UNC5C: variants seen among roughly 807,000 people sequenced by gnomAD.
UNC5C encodes unc-5 netrin receptor C.
In UNC5C, 47 loss-of-function variants were observed where a neutral mutation model predicts 99.8. That is an observed-to-expected ratio of 0.47 (90% CI 0.37 to 0.60). The LOEUF (loss-of-function observed/expected upper bound fraction) is 0.60. Ranked by LOEUF, UNC5C falls within the 20% of genes least tolerant of loss-of-function variation. UNC5C has a pLI of 0.00. For missense variants in UNC5C, 1,062 were observed against 1,165.9 expected (o/e 0.91, Z 1.30); for synonymous variants, 487 against 452.2 (o/e 1.08, Z -0.98).
intron 1 of UNC5C, among the ~76,000 whole-genome samples, chr4:95,546,653 T>A (rs924973463): frequency 1.3e-5 from 2 of 152,214 alleles, no homozygotes; most frequent in Admixed American, 6.5e-5. Context: ...CCACTTAAGA[T>A]GAGAATCAGT....
intron 4 of UNC5C, among the ~76,000 whole-genome samples, chr4:95,259,166 A>G (rs1274695377): frequency 6.6e-6 from 1 of 152,054 alleles, no homozygotes; most frequent in Non-Finnish European, 1.5e-5. Flanking sequence ...GCTAATGTTT[A>G]TGTCTCCCGT....
intron 1 of UNC5C, among the ~76,000 whole-genome samples, chr4:95,402,269 C>T (rs1380168454): frequency 6.6e-6 from 1 of 152,144 alleles, no homozygotes; most frequent in African/African-American, 2.4e-5. Context: ...CCCTATTTAT[C>T]ATATTCATCA....
At chr4:95,367,380 T>C (rs544436195) in intron 1 of UNC5C, among the ~76,000 whole-genome samples, 3 of 152,110 alleles carry the variant, frequency 2.0e-5, no homozygotes, top group East Asian at 1.9e-4. Flanking sequence ...GGTTTCGCCA[T>C]GTTGCCCAGG....
At chr4:95,393,862 TTA>T (rs1491140517) in intron 1 of UNC5C, among the ~76,000 whole-genome samples, 4 of 146,418 alleles carry the variant, frequency 2.7e-5, no homozygotes, top group African/African-American at 1.1e-4. Context: ...TTTTTTTTTT[TTA>T]AAAAAAAACA....
intron 1 of UNC5C, among the ~76,000 whole-genome samples, chr4:95,447,995 GCAAA>G (rs1363068776): frequency 1.3e-5 from 2 of 152,066 alleles, no homozygotes; most frequent in Non-Finnish European, 2.9e-5. Context: ...CATCAGTAGA[GCAAA>G]CAATCTCTTT....
chr4:95,250,756 T>A (rs1409869325), intron 4 of UNC5C, 89 bp from the exon 5 acceptor site: 10 of 1,331,294 alleles, frequency 7.5e-6, no homozygotes, highest in Non-Finnish European at 1.0e-5. Context: ...CACTTGATCT[T>A]AGCCAAAAGG....
intron 1 of UNC5C, among the ~76,000 whole-genome samples, chr4:95,379,560 G>A (rs1406615073): frequency 6.6e-6 from 1 of 152,136 alleles, no homozygotes; most frequent in Non-Finnish European, 1.5e-5. Flanking sequence ...AAAAATCACA[G>A]TACACATGTG....
At chr4:95,171,408 A>G (rs1273491976) in intron 14 of UNC5C, among the ~76,000 whole-genome samples, 2 of 125,722 alleles carry the variant, frequency 1.6e-5, no homozygotes, top group African/African-American at 3.0e-5. Flanking sequence ...ACCCCACAAC[A>G]GTCCCCAGAG....
In UNC5C at chr4:95,457,252, T is replaced by C. The variant is rs1578174049; in HGVS notation, c.124+91482A>G. The stretch of plus-strand genomic sequence containing the variant: ...TTTTCAAACCTGTTATATGTACTGA[T>C]TGCAAACAAATATACTTTAAAAAAT... On this transcript the variant is annotated intron_variant, in intron 1 of 15. Coordinates refer to ENST00000453304, the MANE Select transcript of UNC5C (RefSeq NM_003728.4). Among the ~76,000 whole-genome samples the C allele has an allele frequency of 2.0e-5, 3 of 152,216 alleles. No homozygotes were observed. In the South Asian group the frequency reaches 6.2e-4, roughly 32 times the overall value.
In UNC5C at chr4:95,475,748, CAT is replaced by C. The variant is rs1446598766; in HGVS notation, c.124+72984_124+72985del. 3.3e-5 allele frequency among the ~76,000 whole-genome samples: 5 copies of C among 152,224 alleles called. No homozygotes were observed. The South Asian group carries it at 1.0e-3, about 32-fold the overall frequency. ...TGGGAAAACTTACTGCTAAACATCA[CAT>C]GTCAGCTTTTCCTATCTTTTAGCAA... is the stretch of plus-strand genomic sequence containing the variant. On this transcript the variant is annotated intron_variant, in intron 1 of 15. Coordinates refer to ENST00000453304, the MANE Select transcript of UNC5C (RefSeq NM_003728.4).
At chr4:95,193,761 G>A (rs1008113623) in intron 12 of UNC5C, among the ~76,000 whole-genome samples, 1 of 152,090 alleles carries the variant, frequency 6.6e-6, no homozygotes, top group Non-Finnish European at 1.5e-5. Flanking sequence ...CAGCTTTTCG[G>A]CGACGCTGCT....
At chr4:95,368,605 A>G (rs1204728233) in intron 1 of UNC5C, among the ~76,000 whole-genome samples, 2 of 152,150 alleles carry the variant, frequency 1.3e-5, no homozygotes, top group Non-Finnish European at 2.9e-5. Context: ...GGAATGCATT[A>G]TATTCTTGGC....
At chr4:95,537,381 C>T (rs546341457) in intron 1 of UNC5C, among the ~76,000 whole-genome samples, 6 of 152,030 alleles carry the variant, frequency 3.9e-5, no homozygotes, top group Non-Finnish European at 5.9e-5. Flanking sequence ...GGAAGGTCGG[C>T]GTGGAGGTTC....
chr4:95,397,274 G>T (rs1017013996), intron 1 of UNC5C, among the ~76,000 whole-genome samples: 2 of 152,174 alleles, frequency 1.3e-5, no homozygotes, highest in African/African-American at 4.8e-5. Context: ...AAACAAAAAT[G>T]TCTAACAAAC....
intron 1 of UNC5C, among the ~76,000 whole-genome samples, chr4:95,372,480 C>T (rs563816963): frequency 3.7e-4 from 56 of 152,162 alleles, no homozygotes; most frequent in African/African-American, 1.1e-3. Flanking sequence ...GATTTCCAAA[C>T]GGGAAAGGTT....
At chr4:95,415,460 G>A (rs1746134419) in intron 1 of UNC5C, among the ~76,000 whole-genome samples, 1 of 152,064 alleles carries the variant, frequency 6.6e-6, no homozygotes, top group Admixed American at 6.5e-5. Context: ...TCTTGGAGTT[G>A]TCCTTAAGAA....
At chr4:95,463,469 GA>G (rs1747670551) in intron 1 of UNC5C, among the ~76,000 whole-genome samples, 1 of 152,058 alleles carries the variant, frequency 6.6e-6, no homozygotes, top group African/African-American at 2.4e-5. Context: ...CCATGAGGCA[GA>G]AAATGAACCC....
At chr4:95,350,589 ATT>A (rs1389209028) in intron 1 of UNC5C, among the ~76,000 whole-genome samples, 1 of 152,170 alleles carries the variant, frequency 6.6e-6, no homozygotes, top group Non-Finnish European at 1.5e-5. Context: ...ACAAAAAAAG[ATT>A]ACCCATAGGA....
chr4:95,351,870 G>A lies in UNC5C; in HGVS notation c.125-16239C>T, dbSNP rs147850526. 2.2e-4 allele frequency among the ~76,000 whole-genome samples: 33 copies of A among 151,968 alleles called. No homozygotes were observed. The South Asian group carries it at 5.2e-3, about 24-fold the overall frequency. On this transcript the variant is annotated intron_variant, in intron 1 of 15. Transcript: ENST00000453304. ...GAATACAGTGCCCCTTCAACCTCTC[G>A]GCCTCATCTGACATTTGACCCCACT...
Sources: allele counts gnomAD v4.1 joint callset (sites outside exome capture counted in the v4.1 genomes callset), GRCh38; gene constraint gnomAD v4.1.1; transcripts MANE v1.5; gene names NCBI Gene and HGNC (gene_info 2026-07-23, HGNC 2026-07-21).